Variants in ZBTB49 observed in about 807,000 individuals in gnomAD.
The protein encoded by ZBTB49 is zinc finger and BTB domain containing 49, also known as zinc finger and BTB domain-containing protein 49.
ZBTB49 carries 43 observed loss-of-function variants against 57.5 expected under a neutral mutation model. The observed-to-expected ratio is 0.75, with a 90% CI of 0.59 to 0.97. The LOEUF is 0.97. Ranked by LOEUF, ZBTB49 falls within the 50% of genes least tolerant of loss-of-function variation. The probability of loss-of-function intolerance (pLI) is 0.00; values close to 1 mark genes in which losing one functional copy is unlikely to be tolerated. For synonymous variants in ZBTB49, 369 were observed against 362.1 expected (o/e 1.02, Z -0.22); for missense variants, 938 against 947.7 (o/e 0.99, Z 0.13).
intron 4 of ZBTB49, among the ~76,000 whole-genome samples, chr4:4,306,475 C>A (rs146629351): frequency 6.6e-6 from 1 of 152,306 alleles, no homozygotes; most frequent in Non-Finnish European, 1.5e-5. Flanking sequence ...TCACAGTGAA[C>A]CACCTTGAGC....
chr4:4,307,709 G>A lies in ZBTB49; in HGVS notation c.1302+1525G>A, dbSNP rs528968289. Among the ~76,000 whole-genome samples the A allele has an allele frequency of 4.4e-3, 667 of 152,112 alleles. 3 individuals are homozygous for A. Among genetic ancestry groups the A allele is most frequent in the Non-Finnish European group, 7.5e-3 (509 of 68,010 alleles). Reference sequence around the variant, plus strand: ...CGCCCCCACCGTTTTCATCTCAGCAGCTGTGGTTTGATGGGAAAAGCATGA... The same window carrying A: ...CGCCCCCACCGTTTTCATCTCAGCAACTGTGGTTTGATGGGAAAAGCATGA... On this transcript the variant is annotated intron_variant, in intron 4 of 7. Transcript: ENST00000337872.
intron 1 of ZBTB49, among the ~76,000 whole-genome samples, chr4:4,297,807 A>G (rs1438060676): frequency 1.3e-5 from 2 of 149,728 alleles, no homozygotes; most frequent in Non-Finnish European, 3.0e-5. Context: ...GTGGGAAAGT[A>G]GGTGACAGCT....
At chr4:4,294,031 A>G (rs1720068795) in intron 1 of ZBTB49, among the ~76,000 whole-genome samples, 1 of 152,240 alleles carries the variant, frequency 6.6e-6, no homozygotes, top group Admixed American at 6.5e-5. Flanking sequence ...CACCTGTAAA[A>G]TGTGGATAAT....
intron 1 of ZBTB49, among the ~76,000 whole-genome samples, chr4:4,291,464 C>T (rs1719907848): frequency 6.6e-6 from 1 of 152,182 alleles, no homozygotes; most frequent in South Asian, 2.1e-4. Context: ...GCCTGATCTC[C>T]AAATACAATC....
At chr4:4,312,958 G>A (rs1721036998) in intron 4 of ZBTB49, 83 bp from the exon 5 acceptor site, 4 of 1,419,926 alleles carry the variant, frequency 2.8e-6, no homozygotes, top group East Asian at 4.9e-5. Flanking sequence ...GGCTAAATGT[G>A]TCAGTTTTCC....
intron 4 of ZBTB49, among the ~76,000 whole-genome samples, chr4:4,309,250 G>T (rs919352470): frequency 6.6e-6 from 1 of 152,180 alleles, no homozygotes; most frequent in Non-Finnish European, 1.5e-5. Flanking sequence ...CATCATCTTA[G>T]AGTGACCACA....
chr4:4,295,657 C>A (rs56380250), intron 1 of ZBTB49, among the ~76,000 whole-genome samples: 2,488 of 152,284 alleles, frequency 0.016, 56 homozygotes, highest in African/African-American at 0.056. Flanking sequence ...TCGCCGCCTA[C>A]CATCGTGCCT....
chr4:4,303,726 T>TTCTCTCTCTCTCTCTCTCTC (rs148456390), intron 3 of ZBTB49, among the ~76,000 whole-genome samples: 2 of 121,808 alleles, frequency 1.6e-5, no homozygotes, highest in African/African-American at 3.3e-5. Flanking sequence ...TTTTAAGGTA[T>TTCTCTCTCTCTCTCTCTCTC]TCTCTCTCTC....
At chr4:4,305,364 G>T (rs1720690999) in intron 3 of ZBTB49, among the ~76,000 whole-genome samples, 1 of 152,148 alleles carries the variant, frequency 6.6e-6, no homozygotes, top group Non-Finnish European at 1.5e-5. Flanking sequence ...TGATTTCAGG[G>T]AAATGGAGAA....
chr4:4,318,512 C>T (rs538482712), intron 7 of ZBTB49, among the ~76,000 whole-genome samples: 277 of 152,184 alleles, frequency 1.8e-3, no homozygotes, highest in Non-Finnish European at 3.4e-3. Context: ...GAGGCTGAGG[C>T]ACAAGAATTA....
intron 1 of ZBTB49, among the ~76,000 whole-genome samples, chr4:4,293,196 A>G (rs940141523): frequency 6.6e-6 from 1 of 152,176 alleles, no homozygotes; most frequent in Non-Finnish European, 1.5e-5. Context: ...TTGTTCAATA[A>G]GACAGATGGA....
chr4:4,299,840 C>A, intron 1 of ZBTB49, 87 bp from the exon 2 acceptor site: 2 of 1,209,788 alleles, frequency 1.7e-6, no homozygotes, highest in Non-Finnish European at 2.4e-6. Context: ...GAGAGTGAAG[C>A]ACAGATCAAT....
chr4:4,313,305 G>C (rs192531385), intron 5 of ZBTB49, among the ~76,000 whole-genome samples, 191 bp downstream of exon 5: 1 of 152,318 alleles, frequency 6.6e-6, no homozygotes, highest in African/African-American at 2.4e-5. Context: ...AAAAAGAAAA[G>C]TTAATTCAAA....
chr4:4,297,723 C>G (rs6849603), intron 1 of ZBTB49, among the ~76,000 whole-genome samples: 11,130 of 146,736 alleles, frequency 0.076, 1,026 homozygotes, highest in East Asian at 0.33. Flanking sequence ...GCAGTGGGCT[C>G]TAATCACATC....
intron 4 of ZBTB49, among the ~76,000 whole-genome samples, chr4:4,311,791 ACTCTTT>A (rs1331493258): frequency 6.6e-6 from 1 of 152,214 alleles, no homozygotes; most frequent in Non-Finnish European, 1.5e-5. Flanking sequence ...GTTTTGTCAA[ACTCTTT>A]CTCTTTGGTT....
intron 4 of ZBTB49, 83 bp downstream of exon 4, chr4:4,306,267 C>G (rs1268399005): frequency 8.4e-7 from 1 of 1,190,796 alleles, no homozygotes; most frequent in Non-Finnish European, 1.2e-6. Context: ...TACTTTTGTA[C>G]TTGTGAGAGA....
chr4:4,303,093 T>G lies in ZBTB49; in HGVS notation c.1255+2T>G. On this transcript the variant is annotated splice_donor_variant, in intron 3 of 7. Transcript: ENST00000337872. LOFTEE classifies it high-confidence loss of function. ...AGCTTCACAAACGGTCTCATACAGG[T>G]AACTGATTCAGTACCCACAGGCAGA... 6.3e-7 allele frequency: 1 copy of G among 1,589,140 alleles called. No homozygotes were observed. The highest frequency in any genetic ancestry group is 8.6e-7 in the Non-Finnish European group (1 of 1,166,008).
intron 1 of ZBTB49, among the ~76,000 whole-genome samples, chr4:4,293,278 C>T (rs910326270): frequency 1.3e-5 from 2 of 152,124 alleles, no homozygotes; most frequent in South Asian, 2.1e-4. Flanking sequence ...TGGAAGAGAA[C>T]CTTCTGCTCC....
Position 4,321,585 on chromosome 4 carries a change from G to A in ZBTB49, c.*269G>A, listed in dbSNP as rs1007266238. On this transcript the variant is annotated 3_prime_UTR_variant, in exon 8 of 8. Coordinates refer to ENST00000337872, the MANE Select transcript of ZBTB49 (RefSeq NM_145291.4). ...TGCTGTCTCAGCAGCCTCAGCTGTG[G>A]GGGGGAAGCGCGTGTGCATCGTGTC... 1.9e-6 allele frequency: 1 copy of A among 516,686 alleles called. No homozygotes were observed. 32.0% of individuals were successfully genotyped at this position (516,686 alleles called of 1,614,324 possible). A position where few individuals can be genotyped will look rare whatever the true frequency, so the allele number is the denominator to read the frequency against.
Sources: allele counts gnomAD v4.1 joint callset (sites outside exome capture counted in the v4.1 genomes callset), GRCh38; gene constraint gnomAD v4.1.1; transcripts MANE v1.5; gene names NCBI Gene and HGNC (gene_info 2026-07-23, HGNC 2026-07-21).